The following PTBP3 variants were observed in gnomAD, a reference collection of about 807,000 sequenced individuals.
PTBP3 encodes polypyrimidine tract binding protein 3.
PTBP3 carries 20 observed loss-of-function variants against 58.7 expected under a neutral mutation model. The ratio of observed to expected loss-of-function variants is 0.34; its 90% confidence interval spans 0.24 to 0.50. The LOEUF (loss-of-function observed/expected upper bound fraction) is 0.50, where lower values mean the gene tolerates loss of function less well. Among genes scored for constraint, PTBP3 ranks in the 20% least tolerant of loss-of-function variants. The probability of loss-of-function intolerance (pLI) is 0.98; values close to 1 mark genes in which losing one functional copy is unlikely to be tolerated. For synonymous variants in PTBP3, 185 were observed against 219.8 expected, an observed-to-expected ratio of 0.84 and a Z score of 1.40; for missense variants, 509 against 637.2, an observed-to-expected ratio of 0.80 and a Z score of 2.17.
chr9:112,377,486 C>T, the PTBP3 span, among the ~76,000 whole-genome samples: 1 of 152,152 alleles, frequency 6.6e-6, no homozygotes, highest in African/African-American at 2.4e-5. Context: ...CATGGAAGCA[C>T]CTTAGTTCCC....
rs576818748 is a variant in PTBP3 at position 112,324,893 on chromosome 9, G to C, written c.-52+8577C>G. The stretch of plus-strand genomic sequence containing the variant: ...GGCAAATGAACTCTAATATAAAGCT[G>C]ATCAGAGTGTAAGGTGGTACAGCAC... On this transcript the variant is annotated intron_variant, in intron 1 of 13. Transcript: ENST00000374257. Among the ~76,000 whole-genome samples the C allele has an allele frequency of 3.3e-5, 5 of 152,154 alleles. No individual in the cohort carries two copies. In the South Asian group the frequency reaches 1.0e-3, roughly 32 times the overall value.
chr9:112,339,067 A>T, the PTBP3 span, among the ~76,000 whole-genome samples: 4 of 152,102 alleles, frequency 2.6e-5, no homozygotes, highest in African/African-American at 9.7e-5. Context: ...AGCCTTTTTT[A>T]TTTAAATTCA....
chr9:112,346,130 A>T, the PTBP3 span, among the ~76,000 whole-genome samples: 1 of 149,566 alleles, frequency 6.7e-6, no homozygotes, highest in Non-Finnish European at 1.5e-5. Context: ...AGGCGTGAGG[A>T]GATCTTGGCA....
At chr9:112,376,173 A>ATATG in the PTBP3 span, among the ~76,000 whole-genome samples, 1 of 145,428 alleles carries the variant, frequency 6.9e-6, no homozygotes, top group African/African-American at 2.6e-5. Flanking sequence ...ATATATATAT[A>ATATG]TATATCCTAT....
downstream of PTBP3, chr9:112,218,018 T>C (rs1385896359): frequency 6.6e-6 from 1 of 152,210 alleles, no homozygotes; most frequent in Admixed American, 6.5e-5. Context: ...AAAGTGTATG[T>C]ATACTAATGC....
intron 9 of PTBP3, 57 bp from the exon 10 acceptor site, chr9:112,231,470 A>G: frequency 1.4e-6 from 2 of 1,431,280 alleles, no homozygotes. Context: ...ATTGAAAATA[A>G]GTTTATTTAT....
intron 4 of PTBP3, among the ~76,000 whole-genome samples, chr9:112,264,200 G>A (rs1010470229): frequency 6.6e-6 from 1 of 152,062 alleles, no homozygotes; most frequent in African/African-American, 2.4e-5. Flanking sequence ...ATGTAAAGAA[G>A]GTATTTCTCA....
chr9:112,230,236 C>T (rs1006799425), intron 10 of PTBP3, among the ~76,000 whole-genome samples: 4 of 151,870 alleles, frequency 2.6e-5, no homozygotes, highest in African/African-American at 4.8e-5. Context: ...TGAGGGAGGA[C>T]GACTGCTTGA....
rs1389966316 is a variant in PTBP3, at chr9:112,218,525, TAGTC to T, written c.*5322_*5325del. ...AAAAGAGATTAGAGATATCAAGTAA[TAGTC>T]AGCAAATATACAAACTGAACGAAAA... On this transcript the variant is annotated 3_prime_UTR_variant, in exon 14 of 14. Transcript: ENST00000374257. 27 of 152,760 alleles carry T rather than the reference TAGTC, an allele frequency of 1.8e-4. No individual in the cohort carries two copies. Among genetic ancestry groups the T allele is most frequent in the South Asian group, 6.2e-4 (3 of 4,830 alleles). The allele number at this position is 152,760 out of a possible 1,614,324, so 9.5% of individuals were successfully genotyped here.
chr9:112,226,386 CCCCT>C (rs1416197215), intron 12 of PTBP3, among the ~76,000 whole-genome samples: 2 of 152,056 alleles, frequency 1.3e-5, no homozygotes, highest in Admixed American at 1.3e-4. Flanking sequence ...CCAGACTTCA[CCCCT>C]CTCTATACCC....
At chr9:112,280,115 A>G (rs1827790472) in intron 2 of PTBP3, among the ~76,000 whole-genome samples, 1 of 152,120 alleles carries the variant, frequency 6.6e-6, no homozygotes, top group Admixed American at 6.6e-5. Flanking sequence ...GCTGGAGTGC[A>G]GTGATGCAAT....
intron 5 of PTBP3, among the ~76,000 whole-genome samples, chr9:112,258,892 G>A (rs1269224711): frequency 6.6e-6 from 1 of 151,892 alleles, no homozygotes; most frequent in African/African-American, 2.4e-5. Context: ...CCCTCACCCA[G>A]GCCACCATCA....
At chr9:112,278,412 G>A (rs915794748) in intron 2 of PTBP3, among the ~76,000 whole-genome samples, 2 of 152,190 alleles carry the variant, frequency 1.3e-5, no homozygotes, top group African/African-American at 2.4e-5. Context: ...CCAGCATAAG[G>A]AGTTACAGGA....
chr9:112,289,468 A>T (rs1419519414), intron 2 of PTBP3, among the ~76,000 whole-genome samples: 2 of 152,186 alleles, frequency 1.3e-5, no homozygotes, highest in African/African-American at 4.8e-5. Context: ...TTAACAGTTT[A>T]TAAGTATTTT....
chr9:112,299,943 A>T (rs569700146), intron 1 of PTBP3, among the ~76,000 whole-genome samples: 1 of 152,346 alleles, frequency 6.6e-6, no homozygotes, highest in East Asian at 1.9e-4. Flanking sequence ...GTAAGTGAAC[A>T]AGAAATAAAT....
At chr9:112,323,180 C>G (rs1830021836) in intron 1 of PTBP3, among the ~76,000 whole-genome samples, 2 of 152,158 alleles carry the variant, frequency 1.3e-5, no homozygotes, top group Non-Finnish European at 2.9e-5. Context: ...TGGACCCACA[C>G]GTTCAAGGCT....
intron 1 of PTBP3, chr9:112,298,493 A>C (rs562730780): frequency 2.0e-6 from 1 of 487,838 alleles, no homozygotes; most frequent in East Asian, 5.7e-5. Flanking sequence ...TGGCAACACT[A>C]AAAAGTAACT....
At chr9:112,266,774 T>C (rs942747836) in intron 4 of PTBP3, among the ~76,000 whole-genome samples, 1 of 152,236 alleles carries the variant, frequency 6.6e-6, no homozygotes, top group Non-Finnish European at 1.5e-5. Flanking sequence ...CACCGAATAT[T>C]ACCACTAGTT....
intron 2 of PTBP3, among the ~76,000 whole-genome samples, chr9:112,290,738 A>ACACACACACACT (rs1564438731): frequency 3.4e-5 from 5 of 148,588 alleles, no homozygotes; most frequent in African/African-American, 1.3e-4. Flanking sequence ...ACACACACAC[A>ACACACACACACT]ATCAAGTGTT....
Sources: gnomAD v4.1 joint callset for allele counts (sites outside exome capture counted in the v4.1 genomes callset) on GRCh38, gnomAD v4.1.1 for gene constraint, MANE v1.5 for transcripts, NCBI Gene and HGNC (gene_info 2026-07-23, HGNC 2026-07-21) for gene names.